PTPRD: variants seen among roughly 807,000 people sequenced by gnomAD.
PTPRD encodes protein tyrosine phosphatase receptor type D.
In PTPRD, 34 loss-of-function variants were observed where a neutral mutation model predicts 214.5. That is an observed-to-expected ratio of 0.16 (90% CI 0.12 to 0.21). The LOEUF (loss-of-function observed/expected upper bound fraction) is 0.21, where lower values mean the gene tolerates loss of function less well. Among genes scored for constraint, PTPRD ranks in the 10% least tolerant of loss-of-function variants. PTPRD has a pLI of 1.00. For missense variants in PTPRD, 2,545 were observed against 2,398.7 expected, an observed-to-expected ratio of 1.06 and a Z score of -1.27; for synonymous variants, 1,128 against 845.7, an observed-to-expected ratio of 1.33 and a Z score of -5.79.
chr9:9,840,761 C>CAAAAAAAAAAAAAAAAAAAA (rs59780411), intron 5 of PTPRD, among the ~76,000 whole-genome samples: 1 of 61,622 alleles, frequency 1.6e-5, no homozygotes, highest in African/African-American at 7.4e-5. Context: ...GACTCCGTTT[C>CAAAAAAAAAAAAAAAAAAAA]AAAAAAAAAA....
chr9:8,602,603 A>G (rs1435506444), intron 14 of PTPRD, among the ~76,000 whole-genome samples: 3 of 152,208 alleles, frequency 2.0e-5, no homozygotes, highest in Non-Finnish European at 4.4e-5. Flanking sequence ...TAAAACCAAA[A>G]CGGCCTTCAA....
At chr9:10,598,325 A>C (rs978352760) in intron 2 of PTPRD, among the ~76,000 whole-genome samples, 6 of 151,798 alleles carry the variant, frequency 4.0e-5, no homozygotes, top group African/African-American at 1.2e-4. Context: ...CTAATATTAA[A>C]ATTTTAAGTA....
At chr9:8,919,959 CGT>C (rs922577094) in intron 11 of PTPRD, among the ~76,000 whole-genome samples, 6 of 149,120 alleles carry the variant, frequency 4.0e-5, no homozygotes, top group Admixed American at 2.7e-4. Context: ...TGTATGTATA[CGT>C]GTGTATGCAT....
chr9:9,564,639 G>A (rs1251991001), intron 8 of PTPRD, among the ~76,000 whole-genome samples: 1 of 151,790 alleles, frequency 6.6e-6, no homozygotes, highest in Non-Finnish European at 1.5e-5. Context: ...GAATCCTGGG[G>A]TACATATGTC....
chr9:9,303,283 C>T (rs1956090108), intron 9 of PTPRD, among the ~76,000 whole-genome samples: 1 of 151,826 alleles, frequency 6.6e-6, no homozygotes, highest in Admixed American at 6.6e-5. Flanking sequence ...TTGTCATTCT[C>T]AAATATCCCA....
intron 11 of PTPRD, among the ~76,000 whole-genome samples, chr9:8,742,251 C>A (rs893225551): frequency 6.6e-6 from 1 of 152,038 alleles, no homozygotes; most frequent in African/African-American, 2.4e-5. Context: ...ATATATAAAA[C>A]TGTATATATT....
At chr9:8,542,538 T>C (rs563356054) in intron 14 of PTPRD, among the ~76,000 whole-genome samples, 1 of 152,330 alleles carries the variant, frequency 6.6e-6, no homozygotes, top group South Asian at 2.1e-4. Flanking sequence ...TGTTTGCATA[T>C]GTTTTCAGTC....
At chr9:10,506,858 G>T (rs2046160668) in intron 2 of PTPRD, among the ~76,000 whole-genome samples, 1 of 151,956 alleles carries the variant, frequency 6.6e-6, no homozygotes, top group Non-Finnish European at 1.5e-5. Context: ...AGACATTTTT[G>T]GGAAGTCATC....
chr9:10,192,749 T>C (rs1394147716), intron 3 of PTPRD, among the ~76,000 whole-genome samples: 1 of 152,138 alleles, frequency 6.6e-6, no homozygotes, highest in Non-Finnish European at 1.5e-5. Context: ...TAGAGAGAGA[T>C]AACCACTTTC....
intron 12 of PTPRD, chr9:8,700,952 G>T (rs2045577963): frequency 6.6e-6 from 1 of 151,774 alleles, no homozygotes; most frequent in African/African-American, 2.4e-5. Context: ...CACAAGGTCA[G>T]GAGTTCGAGA....
intron 3 of PTPRD, among the ~76,000 whole-genome samples, chr9:10,295,964 C>G (rs140766223): frequency 2.8e-4 from 42 of 152,104 alleles, no homozygotes; most frequent in African/African-American, 9.6e-4. Context: ...GAATAATCTT[C>G]ATTTTCTCAG....
At chr9:8,499,184 T>C (rs999789806) in intron 25 of PTPRD, among the ~76,000 whole-genome samples, 5 of 152,194 alleles carry the variant, frequency 3.3e-5, no homozygotes, top group African/African-American at 1.2e-4. Flanking sequence ...CTAAATATAA[T>C]ACTGAGTACC....
At chr9:8,613,558 C>G (rs2095518790) in intron 14 of PTPRD, among the ~76,000 whole-genome samples, 1 of 151,980 alleles carries the variant, frequency 6.6e-6, no homozygotes, top group Non-Finnish European at 1.5e-5. Flanking sequence ...GTGTTTTTTA[C>G]CCAAAGTTTG....
At chr9:9,688,613 G>C (rs765175743) in intron 7 of PTPRD, among the ~76,000 whole-genome samples, 1 of 151,860 alleles carries the variant, frequency 6.6e-6, no homozygotes, top group Non-Finnish European at 1.5e-5. Context: ...GAGTGATGAG[G>C]AAATGAAGAC....
chr9:9,993,103 T>C (rs1012451736), intron 4 of PTPRD, among the ~76,000 whole-genome samples: 1 of 152,204 alleles, frequency 6.6e-6, no homozygotes, highest in African/African-American at 2.4e-5. Flanking sequence ...TTCCTTCTGG[T>C]CCAGCCTTTA....
intron 6 of PTPRD, among the ~76,000 whole-genome samples, chr9:9,740,691 G>A (rs1408663722): frequency 2.0e-5 from 3 of 151,940 alleles, no homozygotes. Flanking sequence ...TTCTAAGTAG[G>A]TTTTGTTTGA....
At chr9:10,411,810 T>C (rs2098438683) in intron 2 of PTPRD, among the ~76,000 whole-genome samples, 1 of 151,770 alleles carries the variant, frequency 6.6e-6, no homozygotes, top group Admixed American at 6.6e-5. Context: ...AGATGTTTAA[T>C]GATTATGATC....
intron 34 of PTPRD, 37 bp from the exon 35 acceptor site, chr9:8,436,726 C>T: frequency 6.6e-7 from 1 of 1,515,728 alleles, no homozygotes; most frequent in Non-Finnish European, 9.1e-7. Context: ...CATTTGAAAA[C>T]AAATGAAAAT....
intron 28 of PTPRD, 111 bp from the exon 29 acceptor site, chr9:8,485,435 G>A (rs35777094): frequency 4.1e-6 from 3 of 730,350 alleles, no homozygotes; most frequent in Admixed American, 2.7e-5. Flanking sequence ...TTTGATCAGA[G>A]AGAGAAGTAT....
Sources: gnomAD v4.1 joint callset for allele counts (sites outside exome capture counted in the v4.1 genomes callset) on GRCh38, gnomAD v4.1.1 for gene constraint, MANE v1.5 for transcripts, NCBI Gene and HGNC (gene_info 2026-07-23, HGNC 2026-07-21) for gene names.